EPHB1: variants seen among roughly 807,000 people sequenced by gnomAD.
The protein encoded by EPHB1 is EPH receptor B1.
EPHB1 carries 30 observed loss-of-function variants against 94.4 expected under a neutral mutation model. The observed-to-expected ratio is 0.32, with a 90% CI of 0.24 to 0.43. EPHB1 has a LOEUF of 0.43. Among genes scored for constraint, EPHB1 ranks in the 20% least tolerant of loss-of-function variants. The pLI is 1.00. For missense variants in EPHB1, 1,055 were observed against 1,308.3 expected, an observed-to-expected ratio of 0.81 and a Z score of 2.99; for synonymous variants, 522 against 489.1, an observed-to-expected ratio of 1.07 and a Z score of -0.89.
At chr3:135,067,983 G>A (rs1023414413) in intron 3 of EPHB1, 1 of 152,214 alleles carries the variant, frequency 6.6e-6, no homozygotes, top group African/African-American at 2.4e-5. Flanking sequence ...GTGTGTTCAG[G>A]GTCAGAGGAT....
chr3:135,119,266 A>AT (rs1468310610), intron 4 of EPHB1, among the ~76,000 whole-genome samples: 1 of 152,062 alleles, frequency 6.6e-6, no homozygotes, highest in African/African-American at 2.4e-5. Context: ...CCCTCCATTT[A>AT]TTTTTAACTC....
intron 3 of EPHB1, among the ~76,000 whole-genome samples, chr3:134,958,266 G>T (rs1391308187): frequency 6.6e-6 from 1 of 152,066 alleles, no homozygotes; most frequent in African/African-American, 2.4e-5. Context: ...ATTTGAAAGT[G>T]GAAAAAATAC....
At chr3:135,157,444 T>A (rs1303164749) in intron 6 of EPHB1, among the ~76,000 whole-genome samples, 3 of 152,260 alleles carry the variant, frequency 2.0e-5, no homozygotes, top group Non-Finnish European at 4.4e-5. Flanking sequence ...CAACTTTTTA[T>A]GCTGTAAAAG....
At chr3:134,907,333 A>G (rs879929800) in intron 1 of EPHB1, among the ~76,000 whole-genome samples, 5 of 152,172 alleles carry the variant, frequency 3.3e-5, no homozygotes, top group Non-Finnish European at 5.9e-5. Context: ...AATAAAGTAG[A>G]TATGTGTTTT....
intron 3 of EPHB1, among the ~76,000 whole-genome samples, chr3:135,053,863 G>A (rs975343292): frequency 1.3e-5 from 2 of 151,978 alleles, no homozygotes; most frequent in East Asian, 1.9e-4. Flanking sequence ...GTGGTGGCAC[G>A]TGCCTATAGT....
At chr3:135,024,671 T>C (rs13098238) in intron 3 of EPHB1, among the ~76,000 whole-genome samples, 38,732 of 152,126 alleles carry the variant, frequency 0.25, 6,427 homozygotes, top group East Asian at 0.71. Context: ...TTAATTTCTA[T>C]TTTTATTAAA....
chr3:134,976,066 T>C (rs36123), intron 3 of EPHB1, among the ~76,000 whole-genome samples: 96,811 of 152,086 alleles, frequency 0.64, 32,833 homozygotes, highest in African/African-American at 0.85. Flanking sequence ...TTGGCCTGGG[T>C]CCTGGATGGG....
At chr3:135,059,853 C>T (rs1409140361) in intron 3 of EPHB1, among the ~76,000 whole-genome samples, 3 of 152,156 alleles carry the variant, frequency 2.0e-5, no homozygotes, top group Admixed American at 6.5e-5. Context: ...CCCCATGGCC[C>T]GTTTGGGCCT....
chr3:134,870,512 C>G (rs1026825014), intron 1 of EPHB1, among the ~76,000 whole-genome samples: 2 of 152,232 alleles, frequency 1.3e-5, no homozygotes, highest in African/African-American at 4.8e-5. Flanking sequence ...CAGGAGAGAA[C>G]TGATTCTTTT....
At chr3:134,814,363 C>T (rs931433409) in intron 1 of EPHB1, among the ~76,000 whole-genome samples, 4 of 151,978 alleles carry the variant, frequency 2.6e-5, no homozygotes, top group African/African-American at 7.2e-5. Context: ...TGAGAAGTAG[C>T]AGAAGCAGAA....
At position 134,925,881 on chromosome 3, in the gene EPHB1, G is replaced by A. The variant is rs2107702237; in HGVS notation, c.123+1G>A. 1 of 1,600,594 alleles carries A rather than the reference G, an allele frequency of 6.2e-7. No individual in the cohort carries two copies. The highest frequency in any genetic ancestry group is 8.5e-7 in the Non-Finnish European group (1 of 1,173,132). The stretch of plus-strand genomic sequence containing the variant: ...CTGGACGGCCAATCCTGCGTCCGGG[G>A]TGAGTATCAAACCATTCGTCTTTCA... On this transcript the variant is annotated splice_donor_variant, in intron 2 of 15. Transcript: ENST00000398015. LOFTEE classifies it high-confidence loss of function.
intron 1 of EPHB1, among the ~76,000 whole-genome samples, chr3:134,844,436 C>A (rs1447224082): frequency 6.6e-6 from 1 of 152,192 alleles, no homozygotes; most frequent in Non-Finnish European, 1.5e-5. Flanking sequence ...CCTCTCTGGA[C>A]TTAATTGGGT....
At chr3:135,145,814 C>CT (rs1415173477) in intron 5 of EPHB1, among the ~76,000 whole-genome samples, 3 of 152,178 alleles carry the variant, frequency 2.0e-5, no homozygotes, top group African/African-American at 7.2e-5. Context: ...CTCAACCCTG[C>CT]CGAGTCACAA....
chr3:134,859,582 C>T (rs1273934796), intron 1 of EPHB1, among the ~76,000 whole-genome samples: 1 of 152,192 alleles, frequency 6.6e-6, no homozygotes, highest in African/African-American at 2.4e-5. Context: ...CTGGAACCTA[C>T]AGTGGCTAGT....
chr3:134,924,811 A>T (rs559942771), intron 1 of EPHB1, among the ~76,000 whole-genome samples: 1 of 152,248 alleles, frequency 6.6e-6, no homozygotes, highest in African/African-American at 2.4e-5. Context: ...TAAAAATGGC[A>T]TATACTATAT....
intron 5 of EPHB1, among the ~76,000 whole-genome samples, chr3:135,142,252 A>G (rs1940854157): frequency 6.6e-6 from 1 of 152,246 alleles, no homozygotes; most frequent in Non-Finnish European, 1.5e-5. Flanking sequence ...GGAACTACCC[A>G]GGTAAATTCA....
intron 3 of EPHB1, among the ~76,000 whole-genome samples, chr3:135,104,438 T>C (rs1939138422): frequency 6.6e-6 from 1 of 152,214 alleles, no homozygotes; most frequent in Non-Finnish European, 1.5e-5. Context: ...AGTACTTTTT[T>C]TCTTTCTACA....
intron 3 of EPHB1, among the ~76,000 whole-genome samples, chr3:135,080,337 G>T (rs1288212085): frequency 6.6e-6 from 1 of 152,098 alleles, no homozygotes; most frequent in Non-Finnish European, 1.5e-5. Context: ...AGAGAGAAGG[G>T]GGAGGGGTGC....
intron 4 of EPHB1, among the ~76,000 whole-genome samples, chr3:135,110,228 A>G (rs759960486): frequency 1.2e-4 from 18 of 152,350 alleles, no homozygotes; most frequent in Admixed American, 7.2e-4. Flanking sequence ...TTGATGGATC[A>G]CAGAGGCAAG....
Sources: gnomAD v4.1 joint callset for allele counts (sites outside exome capture counted in the v4.1 genomes callset) on GRCh38, gnomAD v4.1.1 for gene constraint, MANE v1.5 for transcripts, NCBI Gene and HGNC (gene_info 2026-07-23, HGNC 2026-07-21) for gene names.